LIPA: variants seen among roughly 807,000 people sequenced by gnomAD.
LIPA encodes lysosomal acid lipase/cholesteryl ester hydrolase.
A neutral mutation model predicts 40.6 loss-of-function variants in LIPA; 26 were observed. That is an observed-to-expected ratio of 0.64 (90% CI 0.47 to 0.89). The LOEUF is 0.89. Among genes scored for constraint, LIPA ranks in the 40% least tolerant of loss-of-function variants. The probability of loss-of-function intolerance (pLI) is 0.00; values close to 1 mark genes in which losing one functional copy is unlikely to be tolerated. For synonymous variants in LIPA, 188 were observed against 168.4 expected (o/e 1.12, Z -0.90); for missense variants, 455 against 479.6 (o/e 0.95, Z 0.48).
At chr10:89,216,156 G>C (rs760744402) in intron 8 of LIPA, 147 bp from the exon 9 acceptor site, 5 of 682,554 alleles carry the variant, frequency 7.3e-6, no homozygotes, top group Non-Finnish European at 1.3e-5. Context: ...TATTTTAAAT[G>C]AGATGGCATG....
At position 89,245,797 on chromosome 10, in the gene LIPA, T is replaced by C; in HGVS notation, c.112-4A>G. On this transcript the variant is annotated splice_region_variant and splice_polypyrimidine_tract_variant and intron_variant, in intron 2 of 9. Coordinates refer to ENST00000336233, the MANE Select transcript of LIPA (RefSeq NM_000235.4). ...CCCAGTAAGAGATAATTTCACTCTG[T>C]AGAGAAAAAGGACGATGGAAATTGG... The C allele has an allele frequency of 1.4e-6, 2 of 1,447,486 alleles. No homozygotes were observed. The highest frequency in any genetic ancestry group is 1.9e-6 in the Non-Finnish European group (2 of 1,028,006). 89.7% of individuals were successfully genotyped at this position (1,447,486 alleles called of 1,614,324 possible). A position where few individuals can be genotyped will look rare whatever the true frequency, so the allele number is the denominator to read the frequency against.
intron 2 of LIPA, among the ~76,000 whole-genome samples, chr10:89,386,703 C>G (rs1039957445): frequency 6.6e-6 from 1 of 152,130 alleles, no homozygotes; most frequent in South Asian, 2.1e-4. Context: ...ACTATTTGCT[C>G]CTTAGCTACT....
chr10:89,271,899 C>CA (rs766248842), intron 1 of LIPA, among the ~76,000 whole-genome samples: 2,953 of 141,990 alleles, frequency 0.021, 35 homozygotes, highest in Non-Finnish European at 0.029. Flanking sequence ...CCCAACTCTA[C>CA]AAAAAAAAAA....
intron 3 of LIPA, among the ~76,000 whole-genome samples, chr10:89,243,397 A>G (rs1842986164): frequency 6.6e-6 from 1 of 152,236 alleles, no homozygotes; most frequent in South Asian, 2.1e-4. Context: ...CATACACATC[A>G]GTGATCCCCT....
chr10:89,330,102 G>A (rs2133540165), intron 1 of LIPA, among the ~76,000 whole-genome samples: 1 of 152,286 alleles, frequency 6.6e-6, no homozygotes, highest in South Asian at 2.1e-4. Flanking sequence ...CATCAGTTAA[G>A]GCAGGAACTG....
chr10:89,240,403 C>T (rs1178242687), intron 3 of LIPA, among the ~76,000 whole-genome samples: 1 of 152,104 alleles, frequency 6.6e-6, no homozygotes, highest in East Asian at 1.9e-4. Context: ...ATGATTGTAC[C>T]ACTGCATTCT....
chr10:89,403,083 G>A lies in LIPA; in HGVS notation c.61+9708C>T, dbSNP rs757151697. 1.1e-5 allele frequency: 18 copies of A among 1,614,064 alleles called. No individual in the cohort carries two copies. The highest frequency in any genetic ancestry group is 1.4e-5 in the Non-Finnish European group (16 of 1,180,050). On this transcript the variant is annotated intron_variant, in intron 2 of 8. Transcript: ENST00000371837. ...CCGAAGAAAAGGCTCTGTGGATAAA[G>A]CTCTTGAGTTATTAAAAAAGGCCTT...
intron 2 of LIPA, among the ~76,000 whole-genome samples, chr10:89,400,791 G>A (rs918545789): frequency 3.3e-5 from 5 of 152,100 alleles, no homozygotes; most frequent in Non-Finnish European, 7.4e-5. Flanking sequence ...AGAATTTCCA[G>A]TACCATGTTG....
intron 1 of LIPA, among the ~76,000 whole-genome samples, chr10:89,321,405 C>A (rs899966241): frequency 6.6e-6 from 1 of 152,146 alleles, no homozygotes; most frequent in African/African-American, 2.4e-5. Flanking sequence ...AAAAAGTGGG[C>A]AAAGGCTATG....
chr10:89,340,186 C>T (rs10749607), intron 1 of LIPA: 5 of 1,508,714 alleles, frequency 3.3e-6, no homozygotes, highest in East Asian at 2.3e-5. Context: ...ACGGGTAGGA[C>T]GATAGGAAGA....
intron 1 of LIPA, among the ~76,000 whole-genome samples, chr10:89,413,610 T>C (rs1185461641): frequency 6.6e-6 from 1 of 151,756 alleles, no homozygotes; most frequent in African/African-American, 2.4e-5. Context: ...CTACAAAAAA[T>C]AAATTAATTA....
intron 2 of LIPA, among the ~76,000 whole-genome samples, chr10:89,389,417 G>A (rs754623113): frequency 1.6e-4 from 25 of 152,160 alleles, no homozygotes; most frequent in Non-Finnish European, 2.8e-4. Flanking sequence ...CTGATGGAAA[G>A]GACTGCTGAG....
intron 1 of LIPA, chr10:89,339,275 A>G (rs755130984): frequency 1.2e-6 from 2 of 1,614,210 alleles, no homozygotes; most frequent in South Asian, 2.2e-5. Flanking sequence ...CCTGATAACC[A>G]ATACGTCAAG....
intron 1 of LIPA, among the ~76,000 whole-genome samples, chr10:89,269,747 T>C (rs1304110173): frequency 6.6e-6 from 1 of 152,246 alleles, no homozygotes; most frequent in Non-Finnish European, 1.5e-5. Context: ...TATAACTGAC[T>C]CTCCATACTT....
intron 2 of LIPA, chr10:89,403,102 A>C: frequency 1.2e-6 from 2 of 1,614,188 alleles, no homozygotes; most frequent in Non-Finnish European, 1.7e-6. Flanking sequence ...TTATTAAAAA[A>C]GGCCTTGCAG....
intron 1 of LIPA, among the ~76,000 whole-genome samples, chr10:89,276,327 C>G (rs1843288965): frequency 1.3e-5 from 2 of 152,190 alleles, no homozygotes; most frequent in Admixed American, 6.5e-5. Flanking sequence ...TAGTTACAGC[C>G]TCTGTTATTT....
intron 1 of LIPA, among the ~76,000 whole-genome samples, chr10:89,321,634 G>A (rs1564785561): frequency 6.6e-6 from 1 of 152,204 alleles, no homozygotes; most frequent in South Asian, 2.1e-4. Context: ...CTGTAAACTA[G>A]TTCAACCATT....
At chr10:89,323,463 G>A (rs556526538) in intron 1 of LIPA, among the ~76,000 whole-genome samples, 3 of 151,888 alleles carry the variant, frequency 2.0e-5, no homozygotes, top group African/African-American at 7.3e-5. Flanking sequence ...TGAAATAAAA[G>A]GCACCTAGAT....
intron 2 of LIPA, chr10:89,402,392 C>A (rs1218170228): frequency 6.2e-7 from 1 of 1,614,002 alleles, no homozygotes; most frequent in Non-Finnish European, 8.5e-7. Flanking sequence ...AAAACAGAGT[C>A]TTGGATCAGA....
Sources: gnomAD v4.1 joint callset for allele counts (sites outside exome capture counted in the v4.1 genomes callset) on GRCh38, gnomAD v4.1.1 for gene constraint, MANE v1.5 for transcripts, NCBI Gene and HGNC (gene_info 2026-07-23, HGNC 2026-07-21) for gene names.